RMND5A: variants seen among roughly 807,000 people sequenced by gnomAD.
RMND5A encodes the protein required for meiotic nuclear division 5 homolog A, also known as E3 ubiquitin-protein transferase RMND5A.
RMND5A carries 17 observed loss-of-function variants against 49.7 expected under a neutral mutation model. The ratio of observed to expected loss-of-function variants is 0.34; its 90% CI spans 0.23 to 0.51. The LOEUF (loss-of-function observed/expected upper bound fraction) is 0.51, where lower values mean the gene tolerates loss of function less well. Among genes scored for constraint, RMND5A ranks in the 20% least tolerant of loss-of-function variants. RMND5A has a pLI of 0.96. For missense variants in RMND5A, 255 were observed against 471.3 expected (o/e 0.54, Z 4.25); for synonymous variants, 156 against 167.7 (o/e 0.93, Z 0.54).
rs1160170440 is a variant in RMND5A, at chr2:86,773,849, A to G, written c.*438A>G. The G allele has an allele frequency of 1.3e-5, 2 of 152,770 alleles. No homozygotes were observed. The highest frequency in any genetic ancestry group is 2.9e-5 in the Non-Finnish European group (2 of 68,242). 9.5% of individuals were successfully genotyped at this position (152,770 alleles called of 1,614,324 possible). ...GTTATGTATACATAATTAAATGAAA[A>G]TTCTTCAGAAAAAGTTTGATAAATT... On this transcript the variant is annotated 3_prime_UTR_variant, in exon 9 of 9. Coordinates refer to ENST00000283632, the MANE Select transcript of RMND5A (RefSeq NM_022780.4).
At chr2:86,727,616 C>T (rs558196668) in intron 1 of RMND5A, among the ~76,000 whole-genome samples, 1 of 76,484 alleles carries the variant, frequency 1.3e-5, no homozygotes, top group Non-Finnish European at 2.8e-5. Flanking sequence ...CCTGCTTCTT[C>T]ATCTGTAAGG....
At chr2:86,770,911 A>G (rs983156805) in intron 7 of RMND5A, among the ~76,000 whole-genome samples, 1 of 152,206 alleles carries the variant, frequency 6.6e-6, no homozygotes, top group African/African-American at 2.4e-5. Flanking sequence ...TCCTGTCATG[A>G]TTGTGTCACA....
At chr2:86,765,264 T>A in intron 5 of RMND5A, 71 bp downstream of exon 5, 1 of 1,278,888 alleles carries the variant, frequency 7.8e-7, no homozygotes, top group South Asian at 1.4e-5. Context: ...TAACAGTTCT[T>A]AACTAGAGCT....
intron 2 of RMND5A, among the ~76,000 whole-genome samples, chr2:86,742,987 C>A (rs1228236313): frequency 1.3e-5 from 2 of 152,136 alleles, no homozygotes; most frequent in African/African-American, 4.8e-5. Flanking sequence ...ATGCTTTCTG[C>A]AGCTGGTAGG....
intron 2 of RMND5A, chr2:86,748,436 C>A (rs1477552975): frequency 6.6e-6 from 1 of 152,178 alleles, no homozygotes; most frequent in Non-Finnish European, 1.5e-5. Context: ...CTTATTCATG[C>A]TTCTTTTCCA....
Position 86,773,569 on chromosome 2 carries a change from G to A in RMND5A, c.*158G>A. ...ACCTGTTAGTGTACACACACTGAGG[G>A]GAGTGCTCCCGGTGAATATTATCAT... On this transcript the variant is annotated 3_prime_UTR_variant, in exon 9 of 9. Coordinates refer to ENST00000283632, the MANE Select transcript of RMND5A (RefSeq NM_022780.4). 2 of 493,974 alleles carry A rather than the reference G, an allele frequency of 4.0e-6. No individual in the cohort carries two copies. The highest frequency in any genetic ancestry group is 7.4e-6 in the Non-Finnish European group (2 of 268,478). The allele number at this position is 493,974 out of a possible 1,614,324, so 30.6% of individuals were successfully genotyped here. A position where few individuals can be genotyped will look rare whatever the true frequency, so the allele number is the denominator to read the frequency against.
intron 4 of RMND5A, among the ~76,000 whole-genome samples, chr2:86,764,058 T>A (rs1023438871): frequency 2.0e-5 from 3 of 152,222 alleles, no homozygotes; most frequent in Non-Finnish European, 1.5e-5. Context: ...AGTGCAGCTC[T>A]GTGAAGTCCA....
intron 4 of RMND5A, among the ~76,000 whole-genome samples, chr2:86,761,033 T>C (rs1270087314): frequency 6.6e-6 from 1 of 151,506 alleles, no homozygotes; most frequent in Non-Finnish European, 1.5e-5. Flanking sequence ...TCGGGCCAAA[T>C]TGATAATAGT....
chr2:86,777,231 C>G lies in RMND5A; in HGVS notation c.*3820C>G, dbSNP rs1270292881. 6.6e-6 allele frequency: 1 copy of G among 152,198 alleles called. No homozygotes were observed. Among genetic ancestry groups the G allele is most frequent in the Non-Finnish European group, 1.5e-5 (1 of 68,032 alleles). The allele number at this position is 152,198 out of a possible 1,614,324, so 9.4% of individuals were successfully genotyped here. On this transcript the variant is annotated 3_prime_UTR_variant, in exon 9 of 9. Transcript: ENST00000283632. ...AAGCAGCTGGAATTGGCTTACAGCACATGCTTTGTTTCATGTTATGGGTGA... is the reference window on the plus strand; with the variant it reads ...AAGCAGCTGGAATTGGCTTACAGCAGATGCTTTGTTTCATGTTATGGGTGA...
chr2:86,760,965 AGTGTG>A (rs945445178), intron 4 of RMND5A, among the ~76,000 whole-genome samples: 3 of 145,330 alleles, frequency 2.1e-5, no homozygotes, highest in South Asian at 2.3e-4. Flanking sequence ...GAGAGAGAGA[AGTGTG>A]TGTGTGTGTG....
chr2:86,746,574 G>A (rs1327791177), intron 2 of RMND5A, among the ~76,000 whole-genome samples: 1 of 152,226 alleles, frequency 6.6e-6, no homozygotes. Context: ...ACAGAGTTGG[G>A]ATTAAAACCC....
rs1234898153 is a variant in RMND5A, at chr2:86,766,040, C to T, written c.854+16C>T. 7 of 1,607,936 alleles carry T rather than the reference C, an allele frequency of 4.4e-6. No individual in the cohort carries two copies. In the South Asian group the frequency reaches 7.8e-5, roughly 18 times the overall value. On this transcript the variant is annotated intron_variant, in intron 6 of 8. Coordinates refer to ENST00000283632, the MANE Select transcript of RMND5A (RefSeq NM_022780.4). ...TCAGTGTCAGGTATGGAAATTAGCC[C>T]TGTCTGTTATTGAAGTATGCACTGC...
intron 2 of RMND5A, among the ~76,000 whole-genome samples, chr2:86,744,906 G>A (rs1055033079): frequency 6.6e-6 from 1 of 152,016 alleles, no homozygotes; most frequent in Admixed American, 6.6e-5. Flanking sequence ...TGTTGCCCAG[G>A]ATAGTCTTGA....
intron 4 of RMND5A, among the ~76,000 whole-genome samples, chr2:86,759,282 A>T (rs1279521173): frequency 6.6e-6 from 1 of 152,168 alleles, no homozygotes; most frequent in Non-Finnish European, 1.5e-5. Flanking sequence ...AAGTCTTTTC[A>T]CAGGCCTGAC....
At chr2:86,772,265 C>T (rs1037591642) in intron 8 of RMND5A, among the ~76,000 whole-genome samples, 5 of 151,986 alleles carry the variant, frequency 3.3e-5, no homozygotes, top group African/African-American at 2.4e-5. Flanking sequence ...CTGGCTAACA[C>T]GGTGAAATCC....
At chr2:86,767,425 C>CTTTT (rs11468234) in intron 6 of RMND5A, among the ~76,000 whole-genome samples, 6 of 139,580 alleles carry the variant, frequency 4.3e-5, no homozygotes, top group Middle Eastern at 3.8e-3. Context: ...TTTTGGCAGT[C>CTTTT]TTTTTTTTTT....
intron 2 of RMND5A, among the ~76,000 whole-genome samples, chr2:86,742,250 G>C (rs1681458653): frequency 6.7e-6 from 1 of 148,848 alleles, no homozygotes. Flanking sequence ...GGCAGCAGCA[G>C]GGTTCCAGCC....
At chr2:86,732,542 T>C (rs1241763096) in intron 1 of RMND5A, among the ~76,000 whole-genome samples, 3 of 146,920 alleles carry the variant, frequency 2.0e-5, no homozygotes. Context: ...TACAAAATGC[T>C]AAAAGTGTAT....
intron 4 of RMND5A, among the ~76,000 whole-genome samples, chr2:86,754,692 A>G (rs956816138): frequency 6.6e-6 from 1 of 151,942 alleles, no homozygotes; most frequent in African/African-American, 2.4e-5. Context: ...AGTAGTTGGG[A>G]CTACAGGACT....
Sources: allele counts gnomAD v4.1 joint callset (sites outside exome capture counted in the v4.1 genomes callset), GRCh38; gene constraint gnomAD v4.1.1; transcripts MANE v1.5; gene names NCBI Gene and HGNC (gene_info 2026-07-23, HGNC 2026-07-21).